Variants in CALCRL observed in about 807,000 individuals in gnomAD.
The protein encoded by CALCRL is calcitonin gene-related peptide type 1 receptor.
CALCRL carries 27 observed loss-of-function variants against 60.4 expected under a neutral mutation model. The ratio of observed to expected loss-of-function variants is 0.45; its 90% CI spans 0.33 to 0.62. CALCRL has a LOEUF of 0.62. CALCRL is among the 20% of genes least tolerant of loss of function. CALCRL has a pLI of 0.03. For synonymous variants in CALCRL, 190 were observed against 182.6 expected (o/e 1.04, Z -0.33); for missense variants, 424 against 540.7 (o/e 0.78, Z 2.14).
In CALCRL at chr2:187,448,111, A is replaced by T. The variant is rs1365303571; in HGVS notation, c.-365T>A. 1.3e-5 allele frequency: 2 copies of T among 152,108 alleles called. No homozygotes were observed. Among genetic ancestry groups the T allele is most frequent in the African/African-American group, 4.8e-5 (2 of 41,446 alleles). 9.4% of individuals were successfully genotyped at this position (152,108 alleles called of 1,614,324 possible). A position where few individuals can be genotyped will look rare whatever the true frequency, so the allele number is the denominator to read the frequency against. ...AACTTTACTTTCTGAGATTCCGCAG[A>T]AGAGATTTACCCACAAGCAAGGTGG... On this transcript the variant is annotated 5_prime_UTR_variant, in exon 1 of 15. Coordinates refer to ENST00000392370, the MANE Select transcript of CALCRL (RefSeq NM_005795.6).
At chr2:187,410,486 T>G (rs1689310743) in intron 1 of CALCRL, among the ~76,000 whole-genome samples, 1 of 152,138 alleles carries the variant, frequency 6.6e-6, no homozygotes, top group African/African-American at 2.4e-5. Flanking sequence ...GGGAGCTGTA[T>G]TCTGTAAACC....
At chr2:187,407,108 G>C (rs1229542583) in intron 1 of CALCRL, among the ~76,000 whole-genome samples, 1 of 151,636 alleles carries the variant, frequency 6.6e-6, no homozygotes, top group Non-Finnish European at 1.5e-5. Flanking sequence ...TTTTTGTTTT[G>C]TTTTCTTTTT....
intron 8 of CALCRL, among the ~76,000 whole-genome samples, chr2:187,374,090 C>A (rs1034205414): frequency 6.6e-6 from 1 of 152,042 alleles, no homozygotes; most frequent in African/African-American, 2.4e-5. Context: ...ATTGCTTGAG[C>A]CCAGGCGTTT....
chr2:187,385,532 T>C lies in CALCRL; in HGVS notation c.51+13A>G. The stretch of plus-strand genomic sequence containing the variant: ...GCAATAACAGACATAATCATATATA[T>C]TTTTATGCTTACCATAAAAAAAGGC... On this transcript the variant is annotated intron_variant, in intron 4 of 14. Coordinates refer to ENST00000392370, the MANE Select transcript of CALCRL (RefSeq NM_005795.6). 1 of 1,284,540 alleles carries C rather than the reference T, an allele frequency of 7.8e-7. No homozygotes were observed. Among genetic ancestry groups the C allele is most frequent in the Non-Finnish European group, 1.1e-6 (1 of 895,144 alleles). 79.6% of individuals were successfully genotyped at this position (1,284,540 alleles called of 1,614,324 possible).
chr2:187,393,246 A>C (rs888162161), intron 1 of CALCRL, among the ~76,000 whole-genome samples: 3 of 152,082 alleles, frequency 2.0e-5, no homozygotes, highest in South Asian at 2.1e-4. Context: ...CTTTTGGAGA[A>C]GAATTTAGGA....
At chr2:187,414,935 A>G (rs770007656) in intron 1 of CALCRL, among the ~76,000 whole-genome samples, 15 of 149,852 alleles carry the variant, frequency 1.0e-4, no homozygotes, top group Non-Finnish European at 1.3e-4. Flanking sequence ...TTTTTCCCCC[A>G]TCCATCCAGA....
chr2:187,423,297 A>G (rs1442804969), intron 1 of CALCRL, among the ~76,000 whole-genome samples: 1 of 151,886 alleles, frequency 6.6e-6, no homozygotes, highest in African/African-American at 2.4e-5. Flanking sequence ...TTTTCATTGC[A>G]TAAATTTTTA....
chr2:187,412,664 T>G (rs945556290), intron 1 of CALCRL, among the ~76,000 whole-genome samples: 1 of 152,148 alleles, frequency 6.6e-6, no homozygotes, highest in Non-Finnish European at 1.5e-5. Context: ...ACATACTATT[T>G]TAAAACTTTT....
intron 1 of CALCRL, among the ~76,000 whole-genome samples, chr2:187,423,427 T>C (rs1173178787): frequency 1.3e-5 from 2 of 151,836 alleles, no homozygotes; most frequent in Non-Finnish European, 2.9e-5. Flanking sequence ...ATCAAATATG[T>C]AGAATCTGAG....
chr2:187,346,195 A>C lies in CALCRL; in HGVS notation c.1375T>G (p.Leu459Val), dbSNP rs764560081. Residue 459 changes from leucine to valine, a missense_variant, in exon 15 of 15, where the codon TTA becomes GTA. Leu to Val is a conservative substitution (Grantham distance 32, BLOSUM62 1). Transcript: ENST00000392370. ...IENVLLKPEN[L>V]YN ...CCATCCTTCTATTTTCAATTATATA[A>C]ATTTTCTGGTTTTAAGAGAACATTT... is the stretch of plus-strand genomic sequence containing the variant. 3.1e-6 allele frequency: 5 copies of C among 1,594,412 alleles called. No individual in the cohort carries two copies. The highest frequency in any genetic ancestry group is 4.3e-6 in the Non-Finnish European group (5 of 1,165,044).
At chr2:187,406,299 C>T (rs1689123303) in intron 1 of CALCRL, among the ~76,000 whole-genome samples, 1 of 151,644 alleles carries the variant, frequency 6.6e-6, no homozygotes. Context: ...TGTAATATTG[C>T]ATATATTTTG....
intron 8 of CALCRL, among the ~76,000 whole-genome samples, chr2:187,371,758 T>G (rs373788536): frequency 6.6e-6 from 1 of 151,694 alleles, no homozygotes; most frequent in Non-Finnish European, 1.5e-5. Context: ...AAAAGATTAA[T>G]CGTGCACAAT....
chr2:187,372,350 G>A (rs1338310204), intron 8 of CALCRL, among the ~76,000 whole-genome samples: 1 of 150,330 alleles, frequency 6.7e-6, no homozygotes, highest in African/African-American at 2.4e-5. Context: ...GTTCCACTTT[G>A]TTTTTCCAAG....
At chr2:187,387,897 T>A (rs1688273211) in intron 1 of CALCRL, 141 bp from the exon 2 acceptor site, 1 of 358,152 alleles carries the variant, frequency 2.8e-6, no homozygotes, top group East Asian at 4.0e-5. Flanking sequence ...AAGCCTCTTT[T>A]GCTTACAATA....
intron 1 of CALCRL, chr2:187,436,726 C>T (rs1221612161): frequency 6.6e-6 from 1 of 152,122 alleles, no homozygotes; most frequent in Admixed American, 6.5e-5. Flanking sequence ...GCCATGTAGG[C>T]CAAAGCATCT....
At chr2:187,363,016 C>T (rs568706135) in intron 9 of CALCRL, among the ~76,000 whole-genome samples, 6 of 152,148 alleles carry the variant, frequency 3.9e-5, no homozygotes, top group African/African-American at 1.2e-4. Flanking sequence ...TAGTGATAAA[C>T]TATTATGTGC....
At chr2:187,427,238 G>A (rs1455343197) in intron 1 of CALCRL, among the ~76,000 whole-genome samples, 2 of 152,158 alleles carry the variant, frequency 1.3e-5, no homozygotes, top group African/African-American at 2.4e-5. Flanking sequence ...AGATCAAATC[G>A]AGTTTGAGAA....
intron 8 of CALCRL, among the ~76,000 whole-genome samples, chr2:187,368,261 T>C (rs1687380505): frequency 6.6e-6 from 1 of 152,088 alleles, no homozygotes; most frequent in Non-Finnish European, 1.5e-5. Flanking sequence ...AATTATCATA[T>C]GGTTGATTTT....
At chr2:187,379,913 T>G (rs75954210) in intron 7 of CALCRL, among the ~76,000 whole-genome samples, 1 of 152,178 alleles carries the variant, frequency 6.6e-6, no homozygotes, top group South Asian at 2.1e-4. Flanking sequence ...ATAAACTGCC[T>G]CTATTACAAA....
Sources: gnomAD v4.1 joint callset for allele counts (sites outside exome capture counted in the v4.1 genomes callset) on GRCh38, gnomAD v4.1.1 for gene constraint, MANE v1.5 for transcripts, NCBI Gene and HGNC (gene_info 2026-07-23, HGNC 2026-07-21) for gene names.